ACSS3: variants seen among roughly 807,000 people sequenced by gnomAD.
ACSS3 encodes the protein acyl-CoA synthetase short-chain family member 3, mitochondrial.
Under a neutral mutation model 84.2 loss-of-function variants are expected in ACSS3, and 64 were observed. The ratio of observed to expected loss-of-function variants is 0.76; its 90% CI spans 0.62 to 0.94. ACSS3 has a LOEUF of 0.94. ACSS3 is among the 40% of genes least tolerant of loss of function. ACSS3 has a pLI of 0.00. For synonymous variants in ACSS3, 317 were observed against 310.1 expected (o/e 1.02, Z -0.23); for missense variants, 815 against 867.6 (o/e 0.94, Z 0.76).
At chr12:81,148,459 C>T (rs957511409) in intron 5 of ACSS3, among the ~76,000 whole-genome samples, 3 of 152,174 alleles carry the variant, frequency 2.0e-5, no homozygotes, top group Non-Finnish European at 4.4e-5. Context: ...CTAACATTCA[C>T]CCTTTACTTT....
intron 8 of ACSS3, among the ~76,000 whole-genome samples, chr12:81,185,588 A>T (rs1423007437): frequency 6.6e-6 from 1 of 151,756 alleles, no homozygotes; most frequent in East Asian, 1.9e-4. Context: ...CACATACAAT[A>T]ACATTGAAAA....
rs574527254 is a variant in ACSS3 at position 81,083,428 on chromosome 12, G to T, written c.311+4997G>T. On this transcript the variant is annotated intron_variant, in intron 1 of 15. Coordinates refer to ENST00000548058, the MANE Select transcript of ACSS3 (RefSeq NM_024560.4). ...CCTGGAGTGCAATGGCATGATCTCTGCTCACTGCAACCTCCATCTCCCCGC... is the reference window on the plus strand; with the variant it reads ...CCTGGAGTGCAATGGCATGATCTCTTCTCACTGCAACCTCCATCTCCCCGC... 3.5e-5 allele frequency among the ~76,000 whole-genome samples: 5 copies of T among 143,424 alleles called. No individual in the cohort carries two copies. The East Asian group carries it at 9.9e-4, about 28-fold the overall frequency. The allele number at this position is 143,424 out of a possible 152,430, so 94.1% of individuals were successfully genotyped here. A position where few individuals can be genotyped will look rare whatever the true frequency, so the allele number is the denominator to read the frequency against.
intron 10 of ACSS3, among the ~76,000 whole-genome samples, chr12:81,219,334 A>G (rs2033026501): frequency 1.3e-5 from 2 of 152,126 alleles, no homozygotes; most frequent in African/African-American, 2.4e-5. Context: ...GAGAGCAACA[A>G]CCTTCTTTTC....
intron 11 of ACSS3, among the ~76,000 whole-genome samples, chr12:81,229,893 A>G (rs541392482): frequency 6.6e-6 from 1 of 151,840 alleles, no homozygotes; most frequent in Non-Finnish European, 1.5e-5. Context: ...CCAAAGAGGC[A>G]TCGGCAGCTG....
chr12:81,193,613 T>A (rs2031688880), intron 8 of ACSS3, among the ~76,000 whole-genome samples: 2 of 152,004 alleles, frequency 1.3e-5, no homozygotes, highest in Non-Finnish European at 2.9e-5. Context: ...TATTATAGAT[T>A]TTAAAGTAGA....
chr12:81,219,530 A>G (rs1369479832), intron 10 of ACSS3, among the ~76,000 whole-genome samples: 1 of 152,108 alleles, frequency 6.6e-6, no homozygotes, highest in Non-Finnish European at 1.5e-5. Context: ...TATTGAGATA[A>G]TATTTGGGAA....
chr12:81,109,313 C>T (rs1244273922), intron 1 of ACSS3, among the ~76,000 whole-genome samples: 5 of 152,052 alleles, frequency 3.3e-5, no homozygotes, highest in Non-Finnish European at 5.9e-5. Context: ...CACAAAGTCG[C>T]CAGCTGGAAG....
intron 1 of ACSS3, among the ~76,000 whole-genome samples, chr12:81,094,180 C>CTGTGTGTGTGTG (rs371392868): frequency 2.6e-4 from 34 of 132,958 alleles, no homozygotes; most frequent in African/African-American, 8.5e-4. Context: ...CTCTGTCTCT[C>CTGTGTGTGTGTG]TCTCTGTGTG....
intron 9 of ACSS3, among the ~76,000 whole-genome samples, chr12:81,214,540 A>G (rs1310143945): frequency 6.6e-6 from 1 of 152,238 alleles, no homozygotes; most frequent in Non-Finnish European, 1.5e-5. Flanking sequence ...TGTATAAAAA[A>G]GATGAAGAAT....
intron 8 of ACSS3, among the ~76,000 whole-genome samples, chr12:81,189,134 T>A (rs1441623766): frequency 6.6e-6 from 1 of 152,172 alleles, no homozygotes; most frequent in Non-Finnish European, 1.5e-5. Context: ...GATCAGCAGT[T>A]GAATTCTTTT....
chr12:81,117,477 G>T (rs552787221), intron 2 of ACSS3, among the ~76,000 whole-genome samples: 4 of 152,280 alleles, frequency 2.6e-5, no homozygotes, highest in South Asian at 4.1e-4. Flanking sequence ...TAAAGGGTGG[G>T]ATAGGAACTA....
chr12:81,149,686 C>T (rs184404902), intron 5 of ACSS3, among the ~76,000 whole-genome samples: 27 of 152,152 alleles, frequency 1.8e-4, no homozygotes, highest in Admixed American at 9.8e-4. Flanking sequence ...CAAAGACTAA[C>T]GAAAAACAGA....
intron 7 of ACSS3, among the ~76,000 whole-genome samples, chr12:81,168,913 G>A (rs1181349439): frequency 6.6e-6 from 1 of 152,176 alleles, no homozygotes; most frequent in East Asian, 1.9e-4. Flanking sequence ...AGCCTTGTCT[G>A]AGATAATGTC....
At chr12:81,091,311 TA>T (rs1482973741) in intron 1 of ACSS3, among the ~76,000 whole-genome samples, 1 of 151,986 alleles carries the variant, frequency 6.6e-6, no homozygotes, top group Non-Finnish European at 1.5e-5. Context: ...AGCAATCATA[TA>T]AAAATGTTGA....
chr12:81,148,315 A>C (rs1164082553), intron 5 of ACSS3, among the ~76,000 whole-genome samples: 1 of 152,142 alleles, frequency 6.6e-6, no homozygotes, highest in Non-Finnish European at 1.5e-5. Context: ...CATTTACACC[A>C]ACATGTTTTC....
chr12:81,202,785 A>C (rs1336146343), intron 9 of ACSS3, among the ~76,000 whole-genome samples: 1 of 152,212 alleles, frequency 6.6e-6, no homozygotes, highest in Non-Finnish European at 1.5e-5. Flanking sequence ...GGGATATGTT[A>C]AGTAACTAAA....
At chr12:81,187,406 T>G (rs1204688413) in intron 8 of ACSS3, among the ~76,000 whole-genome samples, 1 of 151,884 alleles carries the variant, frequency 6.6e-6, no homozygotes, top group East Asian at 1.9e-4. Context: ...TATTTATTTC[T>G]AAAAGCTCTT....
chr12:81,147,637 G>A (rs1886404362), intron 5 of ACSS3, among the ~76,000 whole-genome samples: 1 of 152,170 alleles, frequency 6.6e-6, no homozygotes. Flanking sequence ...AGACATTGGA[G>A]TTCATCAGGT....
intron 2 of ACSS3, among the ~76,000 whole-genome samples, chr12:81,121,594 A>G (rs936096996): frequency 6.6e-6 from 1 of 152,138 alleles, no homozygotes; most frequent in African/African-American, 2.4e-5. Flanking sequence ...AATCTGAGTT[A>G]TAGGCAGGGT....
Sources: gnomAD v4.1 joint callset for allele counts (sites outside exome capture counted in the v4.1 genomes callset) on GRCh38, gnomAD v4.1.1 for gene constraint, MANE v1.5 for transcripts, NCBI Gene and HGNC (gene_info 2026-07-23, HGNC 2026-07-21) for gene names.